CFAP299: variants seen among roughly 807,000 people sequenced by gnomAD.
CFAP299 encodes the protein cilia- and flagella-associated protein 299.
In CFAP299, 21 loss-of-function variants were observed where a neutral mutation model predicts 27.0. The ratio of observed to expected loss-of-function variants is 0.78; its 90% confidence interval spans 0.55 to 1.12. CFAP299 has a LOEUF of 1.12. Ranked by LOEUF, CFAP299 falls within the 50% of genes most tolerant of loss-of-function variation. The pLI, the probability that CFAP299 is intolerant of heterozygous loss-of-function variation, is 0.00. For synonymous variants in CFAP299, 104 were observed against 98.1 expected (o/e 1.06, Z -0.36); for missense variants, 310 against 276.6 (o/e 1.12, Z -0.86).
chr4:80,832,265 A>G (rs2110132261), intron 3 of CFAP299, among the ~76,000 whole-genome samples: 1 of 152,294 alleles, frequency 6.6e-6, no homozygotes, highest in East Asian at 1.9e-4. Flanking sequence ...TGTGATGTGC[A>G]TCACGGTGCC....
intron 3 of CFAP299, among the ~76,000 whole-genome samples, chr4:80,828,116 A>G (rs1389305281): frequency 1.3e-5 from 2 of 152,074 alleles, no homozygotes; most frequent in Non-Finnish European, 2.9e-5. Flanking sequence ...TGTTCGTATT[A>G]TGGAAGACAA....
intron 3 of CFAP299, among the ~76,000 whole-genome samples, chr4:80,598,777 T>A (rs917514867): frequency 1.3e-5 from 2 of 152,188 alleles, no homozygotes; most frequent in Non-Finnish European, 2.9e-5. Flanking sequence ...AAATCGTGTT[T>A]AAGCAAAGCT....
At chr4:80,335,983 C>A in intron 1 of CFAP299, 104 bp downstream of exon 1, 1 of 727,830 alleles carries the variant, frequency 1.4e-6, no homozygotes, top group Non-Finnish European at 2.4e-6. Flanking sequence ...GACAGCTCAG[C>A]TGTCAGGCGC....
intron 5 of CFAP299, among the ~76,000 whole-genome samples, chr4:80,955,021 AAAAAAAAAAAAAAC>A (rs368906774): frequency 0.1 from 12,946 of 127,610 alleles, 2,712 homozygotes; most frequent in Non-Finnish European, 0.14. Context: ...AAAAAAAAAA[AAAAAAAAAAAAAAC>A]GCACACATGG....
intron 3 of CFAP299, among the ~76,000 whole-genome samples, chr4:80,657,946 C>T (rs1195706565): frequency 6.6e-6 from 1 of 152,136 alleles, no homozygotes; most frequent in African/African-American, 2.4e-5. Flanking sequence ...AGGTCCTTCA[C>T]ATCCTTTGTA....
chr4:80,390,514 C>CACAT (rs1560543003), intron 2 of CFAP299, among the ~76,000 whole-genome samples: 99 of 38,110 alleles, frequency 2.6e-3, no homozygotes, highest in Admixed American at 5.2e-3. Flanking sequence ...TATATACACA[C>CACAT]ATATATGTAT....
intron 2 of CFAP299, among the ~76,000 whole-genome samples, chr4:80,385,314 C>G (rs976834191): frequency 6.6e-6 from 1 of 152,278 alleles, no homozygotes; most frequent in East Asian, 1.9e-4. Context: ...CCACATACAA[C>G]TACTCCAGAA....
At chr4:80,773,089 C>T (rs1202721678) in intron 3 of CFAP299, among the ~76,000 whole-genome samples, 1 of 152,112 alleles carries the variant, frequency 6.6e-6, no homozygotes, top group African/African-American at 2.4e-5. Context: ...AGCCATCATT[C>T]TCAGCAAACT....
intron 5 of CFAP299, among the ~76,000 whole-genome samples, chr4:80,953,487 A>T (rs1279810011): frequency 1.3e-5 from 2 of 152,176 alleles, no homozygotes; most frequent in African/African-American, 2.4e-5. Context: ...TACTCAACTA[A>T]CTACTGCTAA....
intron 3 of CFAP299, among the ~76,000 whole-genome samples, chr4:80,791,362 A>G (rs1280119887): frequency 1.3e-5 from 2 of 152,044 alleles, no homozygotes; most frequent in African/African-American, 4.8e-5. Context: ...TTGACTCTCA[A>G]TCAAGAGGTA....
intron 3 of CFAP299, among the ~76,000 whole-genome samples, chr4:80,744,174 G>C (rs1724449635): frequency 6.6e-6 from 1 of 152,142 alleles, no homozygotes; most frequent in South Asian, 2.1e-4. Context: ...CGCTATGGCA[G>C]TTTCTTCATA....
chr4:80,794,293 C>G lies in CFAP299; in HGVS notation c.334-75700C>G, dbSNP rs191699613. On this transcript the variant is annotated intron_variant, in intron 3 of 5. Coordinates refer to ENST00000358105, the MANE Select transcript of CFAP299 (RefSeq NM_152770.3). Reference sequence around the variant, plus strand: ...GCATTCCTCCTTCTGGAACTAAGACCTCTAGGCCAGCAGAATGTAATGTTG... The same window carrying G: ...GCATTCCTCCTTCTGGAACTAAGACGTCTAGGCCAGCAGAATGTAATGTTG... Among the ~76,000 whole-genome samples, 582 of 152,250 alleles carry G rather than the reference C, an allele frequency of 3.8e-3. 1 individual carries two copies. Among genetic ancestry groups the G allele is most frequent in the Middle Eastern group, 0.01 (3 of 294 alleles).
chr4:80,533,961 A>G (rs944490047), intron 2 of CFAP299, among the ~76,000 whole-genome samples: 1 of 152,130 alleles, frequency 6.6e-6, no homozygotes, highest in Non-Finnish European at 1.5e-5. Flanking sequence ...TAGTGGGAAT[A>G]TACATAAGCA....
intron 2 of CFAP299, among the ~76,000 whole-genome samples, chr4:80,517,697 C>T (rs767019181): frequency 2.6e-5 from 4 of 152,036 alleles, no homozygotes; most frequent in Non-Finnish European, 5.9e-5. Flanking sequence ...GGTGATGTTG[C>T]AAGCCACAGA....
intron 5 of CFAP299, among the ~76,000 whole-genome samples, chr4:80,948,035 T>C (rs1737566299): frequency 6.6e-6 from 1 of 152,162 alleles, no homozygotes; most frequent in South Asian, 2.1e-4. Context: ...GTTAAAGAGC[T>C]GTAAAATATT....
At chr4:80,628,606 A>T (rs1439705258) in intron 3 of CFAP299, among the ~76,000 whole-genome samples, 1 of 152,186 alleles carries the variant, frequency 6.6e-6, no homozygotes, top group Non-Finnish European at 1.5e-5. Flanking sequence ...AATTTCCAAA[A>T]TACGTAAGAA....
chr4:80,636,606 A>G (rs1739474572), intron 3 of CFAP299, among the ~76,000 whole-genome samples: 1 of 152,200 alleles, frequency 6.6e-6, no homozygotes, highest in Non-Finnish European at 1.5e-5. Context: ...CATGGCTGGT[A>G]GAAAAGTGTT....
chr4:80,833,054 A>AT (rs1320640628), intron 3 of CFAP299, among the ~76,000 whole-genome samples: 1 of 152,044 alleles, frequency 6.6e-6, no homozygotes, highest in African/African-American at 2.4e-5. Flanking sequence ...ACGTTTTGTG[A>AT]TTTTATAGTA....
At chr4:80,393,923 A>C (rs1725634580) in intron 2 of CFAP299, among the ~76,000 whole-genome samples, 1 of 151,950 alleles carries the variant, frequency 6.6e-6, no homozygotes, top group African/African-American at 2.4e-5. Flanking sequence ...CGTGATCCCC[A>C]CATGTCAAGA....
Sources: gnomAD v4.1 joint callset for allele counts (sites outside exome capture counted in the v4.1 genomes callset) on GRCh38, gnomAD v4.1.1 for gene constraint, MANE v1.5 for transcripts, NCBI Gene and HGNC (gene_info 2026-07-23, HGNC 2026-07-21) for gene names.